SMG9: variants seen among roughly 807,000 people sequenced by gnomAD.
SMG9 encodes SMG9 nonsense mediated mRNA decay factor, also known as nonsense-mediated mRNA decay factor SMG9.
Under a neutral mutation model 64.0 loss-of-function variants are expected in SMG9, and 55 were observed. The ratio of observed to expected loss-of-function variants is 0.86; its 90% confidence interval spans 0.69 to 1.08. The LOEUF (loss-of-function observed/expected upper bound fraction) is 1.08, where lower values mean the gene tolerates loss of function less well. Ranked by LOEUF, SMG9 falls within the 50% of genes least tolerant of loss-of-function variation. The pLI is 0.00. For missense variants in SMG9, 554 were observed against 681.3 expected (o/e 0.81, Z 2.08); for synonymous variants, 244 against 254.8 (o/e 0.96, Z 0.41).
Position 43,747,967 on chromosome 19 carries a change from T to C in SMG9, c.225+11A>G, listed in dbSNP as rs745771852. 1 of 1,614,060 alleles carries C rather than the reference T, an allele frequency of 6.2e-7. No homozygotes were observed. The highest frequency in any genetic ancestry group is 8.5e-7 in the Non-Finnish European group (1 of 1,180,024). ...CTAACGGCTCCCCCTCCTCCCTCCT[T>C]CTCTGCTCACCCGCTCTGCTGGAGG... is the stretch of plus-strand genomic sequence containing the variant. On this transcript the variant is annotated intron_variant, in intron 3 of 13. Transcript: ENST00000270066.
chr19:43,752,895 C>A (rs1272469310), intron 1 of SMG9, among the ~76,000 whole-genome samples: 4 of 84,698 alleles, frequency 4.7e-5, no homozygotes, highest in Admixed American at 3.9e-4. Flanking sequence ...CAAAGCAAGA[C>A]CCTGTCTAAA....
intron 5 of SMG9, among the ~76,000 whole-genome samples, chr19:43,745,382 T>C (rs1307469306): frequency 6.6e-6 from 1 of 152,080 alleles, no homozygotes; most frequent in Non-Finnish European, 1.5e-5. Context: ...TTTACATTCA[T>C]ATGCTGTTGT....
intron 11 of SMG9, 23 bp downstream of exon 11, chr19:43,733,603 G>A: frequency 2.5e-6 from 4 of 1,612,122 alleles, no homozygotes; most frequent in East Asian, 2.2e-5. Context: ...GACTAGCTTG[G>A]GGGGTGATGT....
At position 43,728,855 on chromosome 19, in the gene SMG9, A is replaced by G; in HGVS notation, c.*2741T>C. Reference sequence around the variant, plus strand: ...TGGAGGGTGAGAAGGATACCAATGTATTCCTGTGTCTGAATTGAAAAGCGT... The same window carrying G: ...TGGAGGGTGAGAAGGATACCAATGTGTTCCTGTGTCTGAATTGAAAAGCGT... On this transcript the variant is annotated 3_prime_UTR_variant, in exon 14 of 14. Transcript: ENST00000270066. 3.1e-6 allele frequency: 1 copy of G among 318,790 alleles called. No homozygotes were observed. Among genetic ancestry groups the G allele is most frequent in the Non-Finnish European group, 4.5e-6 (1 of 220,282 alleles). 19.7% of individuals were successfully genotyped at this position (318,790 alleles called of 1,614,324 possible).
chr19:43,739,387 G>A (rs1968776064), intron 7 of SMG9, among the ~76,000 whole-genome samples: 1 of 152,286 alleles, frequency 6.6e-6, no homozygotes, highest in Non-Finnish European at 1.5e-5. Context: ...TAAAACTGAG[G>A]AATGAAAATA....
At chr19:43,731,738 G>A (rs1300617263) in intron 13 of SMG9, 64 bp from the exon 14 acceptor site, 3 of 1,602,156 alleles carry the variant, frequency 1.9e-6, no homozygotes, top group Non-Finnish European at 2.6e-6. Flanking sequence ...CACCAACCCG[G>A]GACAGGTGGA....
Position 43,733,009 on chromosome 19 carries a change from A to C in SMG9, c.1340-7T>G. ...AGTGGGCTGGAACCAGGTCCTGGAA[A>C]GTTGGGGCAGGGAGGGTAAGAGGGA... On this transcript the variant is annotated splice_polypyrimidine_tract_variant and splice_region_variant and intron_variant, in intron 12 of 13. Transcript: ENST00000270066. The C allele has an allele frequency of 6.2e-7, 1 of 1,605,928 alleles. No individual in the cohort carries two copies. The highest frequency in any genetic ancestry group is 1.1e-5 in the South Asian group (1 of 90,196).
At chr19:43,732,523 G>C (rs1228097358) in intron 13 of SMG9, 2 of 314,054 alleles carry the variant, frequency 6.4e-6, no homozygotes, top group Non-Finnish European at 1.2e-5. Context: ...CTGGTCACTG[G>C]TCCTACTCCT....
At chr19:43,742,933 T>G (rs532705893) in intron 6 of SMG9, among the ~76,000 whole-genome samples, 4 of 151,646 alleles carry the variant, frequency 2.6e-5, no homozygotes, top group African/African-American at 9.7e-5. Flanking sequence ...ACTAAAAATA[T>G]AAAAATAAGC....
chr19:43,744,551 A>G (rs890273001), intron 6 of SMG9, among the ~76,000 whole-genome samples: 3 of 151,210 alleles, frequency 2.0e-5, no homozygotes, highest in African/African-American at 7.3e-5. Flanking sequence ...GCCAGGCAGG[A>G]AGGGAGGGAG....
chr19:43,730,534 A>G lies in SMG9; in HGVS notation c.*1062T>C, dbSNP rs1258858180. The G allele has an allele frequency of 6.6e-6, 1 of 151,958 alleles. No individual in the cohort carries two copies. Among genetic ancestry groups the G allele is most frequent in the Non-Finnish European group, 1.5e-5 (1 of 68,020 alleles). The allele number at this position is 151,958 out of a possible 1,614,324, so 9.4% of individuals were successfully genotyped here. ...GGGTAAGTACTTACTACATTTAAGGACAAGTTCTGTTTCTTAAGTCAAAAG... is the reference window on the plus strand; with the variant it reads ...GGGTAAGTACTTACTACATTTAAGGGCAAGTTCTGTTTCTTAAGTCAAAAG... On this transcript the variant is annotated 3_prime_UTR_variant, in exon 14 of 14. Transcript: ENST00000270066.
intron 8 of SMG9, 102 bp downstream of exon 8, chr19:43,738,020 A>G: frequency 8.7e-7 from 1 of 1,144,916 alleles, no homozygotes; most frequent in Non-Finnish European, 1.3e-6. Context: ...GCTCTTCTGA[A>G]GCAGAAACTA....
chr19:43,738,736 G>A (rs1483814683), intron 7 of SMG9, among the ~76,000 whole-genome samples: 1 of 152,204 alleles, frequency 6.6e-6, no homozygotes, highest in Non-Finnish European at 1.5e-5. Context: ...TCTTACTGCA[G>A]TGAAATTCTT....
At chr19:43,731,811 C>CCCTGTATCCCAGTCGAGGA in intron 13 of SMG9, 137 bp from the exon 14 acceptor site, 1 of 1,033,020 alleles carries the variant, frequency 9.7e-7, no homozygotes, top group Non-Finnish European at 1.4e-6. Context: ...CCAATCTCCT[C>CCCTGTATCCCAGTCGAGGA]GACTGGGATA....
At chr19:43,749,565 G>GT (rs1229994732) in intron 2 of SMG9, among the ~76,000 whole-genome samples, 1 of 152,220 alleles carries the variant, frequency 6.6e-6, no homozygotes, top group Non-Finnish European at 1.5e-5. Flanking sequence ...GAAGGAGCAA[G>GT]TAAGAGCCCA....
chr19:43,746,020 A>C (rs182615967), intron 5 of SMG9, among the ~76,000 whole-genome samples: 165 of 151,370 alleles, frequency 1.1e-3, no homozygotes, highest in Admixed American at 2.0e-3. Flanking sequence ...AAAAAAAAAA[A>C]CAACTATCTG....
intron 1 of SMG9, among the ~76,000 whole-genome samples, chr19:43,751,826 C>A (rs1969199032): frequency 6.6e-6 from 1 of 152,334 alleles, no homozygotes; most frequent in East Asian, 1.9e-4. Flanking sequence ...CCACGTTAAC[C>A]TTGAATTGCC....
chr19:43,733,614 G>A lies in SMG9; in HGVS notation c.1210+12C>T. On this transcript the variant is annotated intron_variant, in intron 11 of 13. Coordinates refer to ENST00000270066, the MANE Select transcript of SMG9 (RefSeq NM_019108.4). ...GGCTGACTAGCTTGGGGGGTGATGT[G>A]GGAACCCTTACCCTTGTAACGCAGG... 1 of 1,613,334 alleles carries A rather than the reference G, an allele frequency of 6.2e-7. No homozygotes were observed. The highest frequency in any genetic ancestry group is 8.5e-7 in the Non-Finnish European group (1 of 1,179,326).
At chr19:43,753,201 T>C (rs781617365) in intron 1 of SMG9, among the ~76,000 whole-genome samples, 4 of 152,150 alleles carry the variant, frequency 2.6e-5, no homozygotes, top group African/African-American at 9.7e-5. Flanking sequence ...AGGGCCTGTT[T>C]ACAGCTGCTT....
Sources: allele counts gnomAD v4.1 joint callset (sites outside exome capture counted in the v4.1 genomes callset), GRCh38; gene constraint gnomAD v4.1.1; transcripts MANE v1.5; gene names NCBI Gene and HGNC (gene_info 2026-07-23, HGNC 2026-07-21).